Variants in YPEL5 observed in about 807,000 individuals in gnomAD.
YPEL5 encodes yippee like 5.
In YPEL5, 1 loss-of-function variant was observed where a neutral mutation model predicts 10.5. The ratio of observed to expected loss-of-function variants is 0.10; its 90% confidence interval spans 0.03 to 0.45. The LOEUF is 0.45. Among genes scored for constraint, YPEL5 ranks in the 20% least tolerant of loss-of-function variants. YPEL5 has a pLI of 0.97. For synonymous variants in YPEL5, 61 were observed against 56.6 expected (o/e 1.08, Z -0.35); for missense variants, 68 against 159.3 (o/e 0.43, Z 3.09).
At chr2:30,154,229 C>T (rs771080545) in intron 1 of YPEL5, among the ~76,000 whole-genome samples, 10 of 152,220 alleles carry the variant, frequency 6.6e-5, no homozygotes, top group Non-Finnish European at 7.3e-5. Flanking sequence ...TATACCTCAA[C>T]GGCTGAGACT....
chr2:30,156,965 C>G (rs961965985), intron 2 of YPEL5, among the ~76,000 whole-genome samples, 173 bp downstream of exon 2: 1 of 152,058 alleles, frequency 6.6e-6, no homozygotes, highest in Non-Finnish European at 1.5e-5. Flanking sequence ...GAAGGTGTTA[C>G]TAGGATGTGA....
intron 1 of YPEL5, chr2:30,147,763 C>T (rs1285151580): frequency 6.6e-6 from 1 of 152,344 alleles, no homozygotes; most frequent in Non-Finnish European, 1.5e-5. Context: ...TTGGGCAGCC[C>T]GCCGGGTGTC....
At chr2:30,151,960 G>C (rs931305493) in intron 1 of YPEL5, among the ~76,000 whole-genome samples, 3 of 152,212 alleles carry the variant, frequency 2.0e-5, no homozygotes, top group African/African-American at 7.2e-5. Context: ...ACAGAAAGCA[G>C]ATCAGTGGTT....
At chr2:30,150,678 A>G (rs890911600) in intron 1 of YPEL5, among the ~76,000 whole-genome samples, 1 of 152,248 alleles carries the variant, frequency 6.6e-6, no homozygotes, top group African/African-American at 2.4e-5. Flanking sequence ...AAATACTCCT[A>G]TCTAGCTTTA....
At chr2:30,153,143 C>T (rs1235275362) in intron 1 of YPEL5, among the ~76,000 whole-genome samples, 1 of 152,108 alleles carries the variant, frequency 6.6e-6, no homozygotes, top group Non-Finnish European at 1.5e-5. Context: ...CGTCGTGATC[C>T]GCCCACCTTG....
intron 1 of YPEL5, among the ~76,000 whole-genome samples, chr2:30,154,075 G>A (rs892147425): frequency 1.3e-5 from 2 of 152,142 alleles, no homozygotes; most frequent in Non-Finnish European, 2.9e-5. Context: ...CTCCCATTAC[G>A]GTTGAAATAA....
intron 1 of YPEL5, among the ~76,000 whole-genome samples, chr2:30,149,675 CAG>C (rs1456816440): frequency 3.3e-5 from 5 of 152,192 alleles, no homozygotes; most frequent in African/African-American, 9.7e-5. Flanking sequence ...TCCATTTTAG[CAG>C]AGTCATTGCG....
intron 1 of YPEL5, among the ~76,000 whole-genome samples, chr2:30,149,356 CAAAGT>C (rs1383120792): frequency 3.3e-5 from 5 of 152,164 alleles, no homozygotes; most frequent in African/African-American, 1.2e-4. Flanking sequence ...TTTGACACAG[CAAAGT>C]AAACTGGTCA....
At chr2:30,148,533 C>G (rs763753165) in intron 1 of YPEL5, 1 of 152,156 alleles carries the variant, frequency 6.6e-6, no homozygotes, top group African/African-American at 2.4e-5. Flanking sequence ...CATACTTGTA[C>G]TGGGTTAGGT....
intron 1 of YPEL5, among the ~76,000 whole-genome samples, chr2:30,152,769 T>C (rs1229969368): frequency 6.6e-6 from 1 of 152,180 alleles, no homozygotes; most frequent in Non-Finnish European, 1.5e-5. Context: ...CAGTGTCCCA[T>C]ACAGTGTAGA....
chr2:30,158,472 ATAAG>A, intron 2 of YPEL5, 143 bp from the exon 3 acceptor site: 1 of 735,372 alleles, frequency 1.4e-6, no homozygotes. Context: ...CTTCTAATAA[ATAAG>A]TCTTGCGTAT....
At chr2:30,158,349 A>G (rs796593803) in intron 2 of YPEL5, among the ~76,000 whole-genome samples, 3 of 152,330 alleles carry the variant, frequency 2.0e-5, no homozygotes, top group African/African-American at 7.2e-5. Flanking sequence ...TACCTGCAAC[A>G]CAGAAATGTA....
At chr2:30,151,481 A>G (rs1378688229) in intron 1 of YPEL5, among the ~76,000 whole-genome samples, 1 of 152,236 alleles carries the variant, frequency 6.6e-6, no homozygotes, top group Non-Finnish European at 1.5e-5. Context: ...CTATGAAATT[A>G]TCTATAAATT....
At chr2:30,155,599 C>T (rs1406905285) in intron 1 of YPEL5, among the ~76,000 whole-genome samples, 1 of 152,198 alleles carries the variant, frequency 6.6e-6, no homozygotes, top group Non-Finnish European at 1.5e-5. Flanking sequence ...ATATTCTTGA[C>T]TATATCTAGA....
chr2:30,159,053 T>A lies in YPEL5; in HGVS notation c.*210T>A, dbSNP rs1676167493. On this transcript the variant is annotated 3_prime_UTR_variant, in exon 3 of 3. Transcript: ENST00000261353. Reference sequence around the variant, plus strand: ...ACAGCAGTGTGTAGAGAGAATATTATGCAGATGCCGTTAATTTTTTACCCT... The same window carrying A: ...ACAGCAGTGTGTAGAGAGAATATTAAGCAGATGCCGTTAATTTTTTACCCT... 1.8e-6 allele frequency: 1 copy of A among 565,946 alleles called. No individual in the cohort carries two copies. The highest frequency in any genetic ancestry group is 3.0e-5 in the East Asian group (1 of 33,852). The allele number at this position is 565,946 out of a possible 1,614,324, so 35.1% of individuals were successfully genotyped here. A position where few individuals can be genotyped will look rare whatever the true frequency, so the allele number is the denominator to read the frequency against.
chr2:30,156,574 G>T (rs1676047465), intron 1 of YPEL5, 54 bp from the exon 2 acceptor site: 1 of 1,534,318 alleles, frequency 6.5e-7, no homozygotes, highest in Admixed American at 1.8e-5. Flanking sequence ...CCCCCAAGTA[G>T]GTGCTAACAT....
chr2:30,159,662 A>G lies in YPEL5; in HGVS notation c.*819A>G, dbSNP rs1228510272. ...TTTCATCTCTTAAACTAAATTGACC[A>G]TGCATATAATATTCTTTGTTTAAAT... On this transcript the variant is annotated 3_prime_UTR_variant, in exon 3 of 3. Transcript: ENST00000261353. 2 of 152,252 alleles carry G rather than the reference A, an allele frequency of 1.3e-5. No homozygotes were observed. The highest frequency in any genetic ancestry group is 1.9e-4 in the East Asian group (1 of 5,202). The allele number at this position is 152,252 out of a possible 1,614,324, so 9.4% of individuals were successfully genotyped here. A position where few individuals can be genotyped will look rare whatever the true frequency, so the allele number is the denominator to read the frequency against.
Position 30,147,026 on chromosome 2 carries a change from AAGCCGCTGGC to A in YPEL5, c.-54_-45del, listed in dbSNP as rs1243027431. 2 of 152,434 alleles carry A rather than the reference AAGCCGCTGGC, an allele frequency of 1.3e-5. No homozygotes were observed. The highest frequency in any genetic ancestry group is 2.9e-5 in the Non-Finnish European group (2 of 68,240). The allele number at this position is 152,434 out of a possible 1,614,324, so 9.4% of individuals were successfully genotyped here. ...GGCTTCATACCAGCTGAAGAGCGACAAGCCGCTGGCAGCCGCGGATCTCACCGCCGCTCAG... is the reference window on the plus strand; with the variant it reads ...GGCTTCATACCAGCTGAAGAGCGACAAGCCGCGGATCTCACCGCCGCTCAG... On this transcript the variant is annotated 5_prime_UTR_variant, in exon 1 of 3. Transcript: ENST00000261353.
intron 2 of YPEL5, among the ~76,000 whole-genome samples, chr2:30,158,235 C>A (rs961420970): frequency 6.6e-6 from 1 of 152,186 alleles, no homozygotes; most frequent in African/African-American, 2.4e-5. Flanking sequence ...GCATTAGGTT[C>A]TTTTACATGG....
Sources: gnomAD v4.1 joint callset for allele counts (sites outside exome capture counted in the v4.1 genomes callset) on GRCh38, gnomAD v4.1.1 for gene constraint, MANE v1.5 for transcripts, NCBI Gene and HGNC (gene_info 2026-07-23, HGNC 2026-07-21) for gene names.